The following CFAP74 variants were observed in gnomAD, a reference collection of about 807,000 sequenced individuals.
CFAP74 encodes cilia and flagella associated protein 74.
A neutral mutation model predicts 188.9 loss-of-function variants in CFAP74; 124 were observed. That is an observed-to-expected ratio of 0.66 (90% confidence interval 0.57 to 0.76). The LOEUF (loss-of-function observed/expected upper bound fraction) is 0.76. Ranked by LOEUF, CFAP74 falls within the 30% of genes least tolerant of loss-of-function variation. CFAP74 has a pLI of 0.00. For missense variants in CFAP74, 2,198 were observed against 2,165.2 expected, an observed-to-expected ratio of 1.02 and a Z score of -0.30; for synonymous variants, 956 against 916.7, an observed-to-expected ratio of 1.04 and a Z score of -0.77.
chr1:1,930,227 C>G lies in CFAP74; in HGVS notation c.3121G>C (p.Val1041Leu). Residue 1041 changes from valine (V) to leucine (L), a missense_variant, in exon 26 of 39, where the codon GTG (valine) becomes CTG (leucine). Val to Leu is a conservative substitution (Grantham distance 32, BLOSUM62 1). Transcript: ENST00000682832. ...TALYDTSVATVYVINSHLSMS... is the reference protein window; with the variant it reads ...TALYDTSVATLYVINSHLSMS... The stretch of plus-strand genomic sequence containing the variant: ...CTCAGGTGAGAGTTGATGACGTACA[C>G]TGTAGCCACGGAGGTGTCGTATAGG... The G allele has an allele frequency of 6.5e-7, 1 of 1,535,762 alleles. No individual in the cohort carries two copies. The highest frequency in any genetic ancestry group is 8.7e-7 in the Non-Finnish European group (1 of 1,146,750).
chr1:1,923,034 C>A lies in CFAP74; in HGVS notation c.4634G>T (p.Arg1545Leu). The A allele has an allele frequency of 1.2e-6, 2 of 1,606,478 alleles. No homozygotes were observed. Among genetic ancestry groups the A allele is most frequent in the African/African-American group, 1.3e-5 (1 of 74,564 alleles). Reference sequence around the variant, plus strand: ...CCGGATACAGCCCACCTGCAGCTCTCGGGTGGCAGGTGGGGCTGGCGTGTC... The same window carrying A: ...CCGGATACAGCCCACCTGCAGCTCTAGGGTGGCAGGTGGGGCTGGCGTGTC... ...DTDTPAPPAT[R>L]ELQVGCIRTT... Residue 1545 changes from arginine (R) to leucine (L), a missense_variant, in exon 37 of 39, where the codon CGA (arginine) becomes CTA (leucine). By Grantham distance (102) the Arg-to-Leu change is moderately radical (BLOSUM62 -2). Transcript: ENST00000682832. The surrounding 1 kb of genome is among the most constrained non-coding windows in gnomAD (Gnocchi z 6.3).
chr1:1,955,657 G>T, intron 18 of CFAP74, 34 bp downstream of exon 18: 1 of 1,595,070 alleles, frequency 6.3e-7, no homozygotes, highest in Non-Finnish European at 8.6e-7. Flanking sequence ...CTCACCGCCC[G>T]CCCACCCTGG....
chr1:1,939,214 ATG>A (rs797008077), intron 24 of CFAP74, among the ~76,000 whole-genome samples: 2 of 152,072 alleles, frequency 1.3e-5, no homozygotes, highest in East Asian at 3.8e-4. Flanking sequence ...GTGCACGCAT[ATG>A]TGTGTGTGTG....
In CFAP74 at chr1:1,975,651, T is replaced by C. The variant is rs576039780; in HGVS notation, c.501-1453A>G. Among the ~76,000 whole-genome samples, 34 of 152,328 alleles carry C rather than the reference T, an allele frequency of 2.2e-4. No homozygotes were observed. Among genetic ancestry groups the C allele is most frequent in the African/African-American group, 7.2e-4 (30 of 41,590 alleles). On this transcript the variant is annotated intron_variant, in intron 6 of 38. Coordinates refer to ENST00000682832, the MANE Select transcript of CFAP74 (RefSeq NM_001304360.2). The surrounding 1 kb of genome is among the most constrained non-coding windows in gnomAD (Gnocchi z 4.5). ...CGGATCTCTGGCTGGTGTCCTGTCATGCAGCACGTTCATTGCTCCCCAAGT... is the reference window on the plus strand; with the variant it reads ...CGGATCTCTGGCTGGTGTCCTGTCACGCAGCACGTTCATTGCTCCCCAAGT...
chr1:1,936,522 G>A (rs997494200), intron 25 of CFAP74, among the ~76,000 whole-genome samples: 5 of 152,074 alleles, frequency 3.3e-5, no homozygotes, highest in Admixed American at 1.3e-4. Context: ...CCAGCCTGGC[G>A]AGAGAGCGAG....
intron 6 of CFAP74, chr1:1,983,582 A>G (rs1657041240): frequency 6.6e-6 from 1 of 152,206 alleles, no homozygotes; most frequent in South Asian, 2.1e-4. Flanking sequence ...ACAACGCCAC[A>G]TGGGCTTCAG....
intron 14 of CFAP74, among the ~76,000 whole-genome samples, chr1:1,962,474 C>T (rs1655159872): frequency 1.1e-5 from 1 of 94,874 alleles, no homozygotes; most frequent in Non-Finnish European, 2.0e-5. Context: ...GAAACTCCAT[C>T]TCAAAAAAAA....
At position 1,926,313 on chromosome 1, in the gene CFAP74, A is replaced by G; in HGVS notation, c.3863T>C (p.Phe1288Ser). 1 of 1,547,686 alleles carries G rather than the reference A, an allele frequency of 6.5e-7. No homozygotes were observed. Among genetic ancestry groups the G allele is most frequent in the South Asian group, 1.2e-5 (1 of 83,676 alleles). The change falls in exon 32 of 39, where the codon TTT becomes TCT. Residue 1288 changes from phenylalanine to serine, a missense_variant. Coordinates refer to ENST00000682832, the MANE Select transcript of CFAP74 (RefSeq NM_001304360.2). ...DFSLLNPNGP[F>S]VLLNHSSLLR... is the part of the protein sequence containing the mutation. ...CAGGCTGGAGTGGTTCAGCAGGACA[A>G]AGGGGCCGTTGGGGTTCAGCAGGGA...
chr1:1,930,171 G>A lies in CFAP74; in HGVS notation c.3177C>T (p.Arg1059=), dbSNP rs772332758. 9 of 1,535,696 alleles carry A rather than the reference G, an allele frequency of 5.9e-6. No homozygotes were observed. The South Asian group carries it at 8.3e-5, about 14-fold the overall frequency. Residue 1059 remains arginine, a synonymous_variant, in exon 26 of 39, where the codon CGC becomes CGT. Transcript: ENST00000682832. The part of the protein sequence containing the change: ...SMSSPTHSKP[R]IGSEDASPMG... Reference sequence around the variant, plus strand: ...TGGGAGAGGCGTCCTCTGAGCCAATGCGGGGCTTGGAGTGGGTCGGTGAGC... The same window carrying A: ...TGGGAGAGGCGTCCTCTGAGCCAATACGGGGCTTGGAGTGGGTCGGTGAGC...
intron 6 of CFAP74, 69 bp from the exon 7 acceptor site, chr1:1,974,267 G>A: frequency 6.8e-7 from 1 of 1,464,514 alleles, no homozygotes; most frequent in Middle Eastern, 1.8e-4. Flanking sequence ...TTTCGGCATT[G>A]AGTTCTGACA....
At chr1:1,931,681 G>A (rs535680028) in intron 25 of CFAP74, among the ~76,000 whole-genome samples, 2 of 147,372 alleles carry the variant, frequency 1.4e-5, no homozygotes, top group South Asian at 4.3e-4. Flanking sequence ...AGCTTGCAGC[G>A]AGCCGAGATT....
chr1:1,929,588 T>C (rs1032049150), intron 26 of CFAP74, among the ~76,000 whole-genome samples: 1 of 151,750 alleles, frequency 6.6e-6, no homozygotes, highest in Non-Finnish European at 1.5e-5. Flanking sequence ...ATGCCCTTCC[T>C]CACTTAGGCC....
At chr1:1,956,809 C>G (rs1234863085) in intron 16 of CFAP74, 25 bp from the exon 17 acceptor site, 1 of 1,606,432 alleles carries the variant, frequency 6.2e-7, no homozygotes, top group Non-Finnish European at 8.5e-7. Context: ...GGAGTGAACT[C>G]AGGGCCACCG....
At chr1:1,965,796 C>G (rs976478366) in intron 12 of CFAP74, among the ~76,000 whole-genome samples, 1 of 152,228 alleles carries the variant, frequency 6.6e-6, no homozygotes, top group African/African-American at 2.4e-5. Flanking sequence ...CCAGCAGAAC[C>G]AGGTGGCTTT....
rs543489031 is a variant in CFAP74 at position 1,922,266 on chromosome 1, G to C, written c.*21C>G. 1.3e-6 allele frequency: 2 copies of C among 1,592,198 alleles called. No homozygotes were observed. Among genetic ancestry groups the C allele is most frequent in the Admixed American group, 1.7e-5 (1 of 58,710 alleles). ...GCTTTGAGGGTGGACAGGAGGGCCC[G>C]AGGGTGCTCTGTGCAGAGGCTTAGG... On this transcript the variant is annotated 3_prime_UTR_variant, in exon 39 of 39. Transcript: ENST00000682832.
chr1:1,963,748 C>T lies in CFAP74; in HGVS notation c.1694+1G>A, dbSNP rs780152963. The T allele has an allele frequency of 5.6e-5, 90 of 1,604,880 alleles. No individual in the cohort carries two copies. Among genetic ancestry groups the T allele is most frequent in the Middle Eastern group, 5.0e-4 (3 of 5,954 alleles). On this transcript the variant is annotated splice_donor_variant, in intron 14 of 38. Coordinates refer to ENST00000682832, the MANE Select transcript of CFAP74 (RefSeq NM_001304360.2). LOFTEE classifies it high-confidence loss of function. The stretch of plus-strand genomic sequence containing the variant: ...CCTCCCTGTCTGAGCCGTCCTCTTA[C>T]TCAACGTGGATGAAGTCCCGGAGGT...
intron 11 of CFAP74, among the ~76,000 whole-genome samples, chr1:1,967,555 G>A (rs1007939682): frequency 3.3e-5 from 5 of 152,118 alleles, no homozygotes; most frequent in African/African-American, 1.2e-4. Context: ...GGGGTGGATG[G>A]GGCAAAGGCT....
rs1329286634 is a variant in CFAP74, at chr1:1,922,093, G to A, written c.*194C>T. The A allele has an allele frequency of 3.5e-6, 2 of 563,746 alleles. No homozygotes were observed. Among genetic ancestry groups the A allele is most frequent in the Admixed American group, 3.5e-5 (1 of 28,950 alleles). The allele number at this position is 563,746 out of a possible 1,614,324, so 34.9% of individuals were successfully genotyped here. ...TTCTGAGTCTGGGGTCTCAGGAGGG[G>A]TGCTCTTGGATGTCCCTGGGCTTGC... On this transcript the variant is annotated 3_prime_UTR_variant, in exon 39 of 39. Transcript: ENST00000682832.
intron 24 of CFAP74, 55 bp from the exon 25 acceptor site, chr1:1,939,043 C>T (rs1423107089): frequency 2.4e-5 from 36 of 1,510,936 alleles, no homozygotes; most frequent in South Asian, 3.6e-5. Context: ...TGTGGACACA[C>T]GTGCGGCAGG....
Sources: gnomAD v4.1 joint callset for allele counts (sites outside exome capture counted in the v4.1 genomes callset) on GRCh38, gnomAD v4.1.1 for gene constraint, Gnocchi (gnomAD v3.1) non-coding constraint, MANE v1.5 for transcripts, NCBI Gene and HGNC (gene_info 2026-07-23, HGNC 2026-07-21) for gene names.